The following CD53 variants were observed in gnomAD, a reference collection of about 807,000 sequenced individuals.
The protein encoded by CD53 is leukocyte surface antigen CD53.
In CD53, 20 loss-of-function variants were observed where a neutral mutation model predicts 27.3. The ratio of observed to expected loss-of-function variants is 0.73; its 90% confidence interval spans 0.52 to 1.07. CD53 has a LOEUF of 1.07. Ranked by LOEUF, CD53 falls within the 50% of genes least tolerant of loss-of-function variation. The pLI is 0.00. For missense variants in CD53, 216 were observed against 264.0 expected (o/e 0.82, Z 1.26); for synonymous variants, 106 against 105.3 (o/e 1.01, Z -0.04).
chr1:110,877,909 G>A (rs1317110224), intron 1 of CD53, among the ~76,000 whole-genome samples: 2 of 152,184 alleles, frequency 1.3e-5, no homozygotes, highest in East Asian at 3.8e-4. Flanking sequence ...GCTCACAGGA[G>A]TTCAAACGAG....
At position 110,899,278 on chromosome 1, in the gene CD53, C is replaced by A; in HGVS notation, c.*83C>A. The stretch of plus-strand genomic sequence containing the variant: ...TATAGCATGAAGCCCTACATGATCA[C>A]TGCAGGATGATCCTCCTCCCATCCT... On this transcript the variant is annotated 3_prime_UTR_variant, in exon 8 of 8. Coordinates refer to ENST00000271324, the MANE Select transcript of CD53 (RefSeq NM_000560.4). The A allele has an allele frequency of 1.0e-6, 1 of 957,244 alleles. No individual in the cohort carries two copies. Among genetic ancestry groups the A allele is most frequent in the South Asian group, 1.4e-5 (1 of 73,208 alleles). The allele number at this position is 957,244 out of a possible 1,614,324, so 59.3% of individuals were successfully genotyped here. A position where few individuals can be genotyped will look rare whatever the true frequency, so the allele number is the denominator to read the frequency against.
In CD53 at chr1:110,876,546, T is replaced by C. The variant is rs530799771; in HGVS notation, c.-18+3298T>C. ...TGAGGAATAGGGGTAAGAAATGATT[T>C]TAATGCCTCATATCTTTTAAAACTT... On this transcript the variant is annotated intron_variant, in intron 1 of 7. Transcript: ENST00000271324. Among the ~76,000 whole-genome samples the C allele has an allele frequency of 8.5e-5, 13 of 152,316 alleles. No homozygotes were observed. In the South Asian group the frequency reaches 2.7e-3, roughly 32 times the overall value.
rs544668581 is a variant in CD53, at chr1:110,888,150, T to G, written c.-17-3242T>G. 3.3e-5 allele frequency among the ~76,000 whole-genome samples: 5 copies of G among 152,180 alleles called. No individual in the cohort carries two copies. In the South Asian group the frequency reaches 8.3e-4, roughly 25 times the overall value. Reference sequence around the variant, plus strand: ...CTCTCCCTGAGCCCTTAAGAAGAAATGTAGCCTAGCCAACAACCTGAATGT... The same window carrying G: ...CTCTCCCTGAGCCCTTAAGAAGAAAGGTAGCCTAGCCAACAACCTGAATGT... On this transcript the variant is annotated intron_variant, in intron 1 of 7. Transcript: ENST00000271324.
Position 110,895,115 on chromosome 1 carries a change from T to C in CD53, c.423+60T>C, listed in dbSNP as rs969928510. 10 of 1,243,906 alleles carry C rather than the reference T, an allele frequency of 8.0e-6. No individual in the cohort carries two copies. In the African/African-American group the frequency reaches 1.5e-4, roughly 18 times the overall value. 77.1% of individuals were successfully genotyped at this position (1,243,906 alleles called of 1,614,324 possible). On this transcript the variant is annotated intron_variant, in intron 5 of 7. Coordinates refer to ENST00000271324, the MANE Select transcript of CD53 (RefSeq NM_000560.4). ...AGACTTCATTTTCAAGCCTAAATCC[T>C]TGGGGGCTAGTTCCTTTTTCTGGAA...
At chr1:110,894,865 C>A (rs74123404) in intron 4 of CD53, 95 bp from the exon 5 acceptor site, 3 of 896,540 alleles carry the variant, frequency 3.3e-6, no homozygotes, top group African/African-American at 1.6e-5. Context: ...GGAAGGGAAG[C>A]GCAAGTGGAA....
chr1:110,892,542 T>C lies in CD53; in HGVS notation c.252+9T>C. 6.2e-7 allele frequency: 1 copy of C among 1,607,890 alleles called. No individual in the cohort carries two copies. The highest frequency in any genetic ancestry group is 8.5e-7 in the Non-Finnish European group (1 of 1,175,556). ...AGTGTCTGCTTATGTCGGTGAGTCC[T>C]TACAGCAGATGTGGTGCCCCAAGTC... On this transcript the variant is annotated intron_variant, in intron 3 of 7. Coordinates refer to ENST00000271324, the MANE Select transcript of CD53 (RefSeq NM_000560.4).
chr1:110,885,438 T>C (rs1211377798), intron 1 of CD53, among the ~76,000 whole-genome samples: 1 of 152,082 alleles, frequency 6.6e-6, no homozygotes, highest in African/African-American at 2.4e-5. Flanking sequence ...CTCGGGAGGC[T>C]GAGGCAGGAG....
chr1:110,895,822 CT>C (rs1321053447), intron 5 of CD53, among the ~76,000 whole-genome samples: 2 of 152,138 alleles, frequency 1.3e-5, no homozygotes, highest in Non-Finnish European at 2.9e-5. Flanking sequence ...CCAGTGTCAT[CT>C]CATCTAATTC....
In CD53 at chr1:110,896,691, C is replaced by A; in HGVS notation, c.462C>A (p.Thr154=). ...CCGINGTSDW[T]SGPPASCPSD... is the part of the protein sequence containing the mutation. The stretch of plus-strand genomic sequence containing the variant: ...GTATAAATGGCACGAGTGATTGGAC[C>A]AGTGGCCCACCAGCATCTTGCCCCT... The change falls in exon 6 of 8, where the codon ACC becomes ACA. Residue 154 remains threonine, a synonymous_variant. Coordinates refer to ENST00000271324, the MANE Select transcript of CD53 (RefSeq NM_000560.4). The A allele has an allele frequency of 6.2e-7, 1 of 1,613,550 alleles. No individual in the cohort carries two copies. The highest frequency in any genetic ancestry group is 8.5e-7 in the Non-Finnish European group (1 of 1,179,754).
Position 110,882,421 on chromosome 1 carries a change from G to C in CD53, c.-17-8971G>C, listed in dbSNP as rs551527711. Among the ~76,000 whole-genome samples the C allele has an allele frequency of 5.3e-5, 8 of 151,774 alleles. No individual in the cohort carries two copies. In the East Asian group the frequency reaches 9.7e-4, roughly 18 times the overall value. On this transcript the variant is annotated intron_variant, in intron 1 of 7. Coordinates refer to ENST00000271324, the MANE Select transcript of CD53 (RefSeq NM_000560.4). ...TCCATATGCATATGGACTCTATTCT[G>C]TTCTCTTGATATATTTATTTAACAC...
intron 1 of CD53, among the ~76,000 whole-genome samples, chr1:110,875,460 G>A (rs1656089491): frequency 6.6e-6 from 1 of 152,192 alleles, no homozygotes; most frequent in African/African-American, 2.4e-5. Context: ...AGAGCAGAAG[G>A]AAGGGTGGAG....
chr1:110,885,182 T>C (rs575502831), intron 1 of CD53, among the ~76,000 whole-genome samples: 13 of 152,328 alleles, frequency 8.5e-5, no homozygotes, highest in African/African-American at 2.9e-4. Flanking sequence ...ATTATTATCA[T>C]AAAGTTTACT....
rs371948829 is a variant in CD53, at chr1:110,893,601, C to T, written c.253-726C>T. 1.1e-4 allele frequency among the ~76,000 whole-genome samples: 17 copies of T among 152,330 alleles called. No homozygotes were observed. In the South Asian group the frequency reaches 1.2e-3, roughly 11 times the overall value. On this transcript the variant is annotated intron_variant, in intron 3 of 7. Coordinates refer to ENST00000271324, the MANE Select transcript of CD53 (RefSeq NM_000560.4). ...CCTCCCAAAGTGTTGGGATTATAGGCGTAAGCCACTGCGCCCAGTCTGTAT... is the reference window on the plus strand; with the variant it reads ...CCTCCCAAAGTGTTGGGATTATAGGTGTAAGCCACTGCGCCCAGTCTGTAT...
At chr1:110,886,740 C>T (rs1310258195) in intron 1 of CD53, among the ~76,000 whole-genome samples, 1 of 151,186 alleles carries the variant, frequency 6.6e-6, no homozygotes, top group South Asian at 2.1e-4. Context: ...CCCAGCTACT[C>T]GGGAGGCTGA....
chr1:110,874,709 G>A (rs1656059896), intron 1 of CD53, among the ~76,000 whole-genome samples: 1 of 152,192 alleles, frequency 6.6e-6, no homozygotes, highest in East Asian at 1.9e-4. Flanking sequence ...ATATTCATGA[G>A]GAATGATTCC....
intron 1 of CD53, among the ~76,000 whole-genome samples, chr1:110,889,427 C>T (rs770352274): frequency 3.3e-5 from 5 of 152,000 alleles, no homozygotes; most frequent in South Asian, 2.1e-4. Flanking sequence ...GGCGTGGTGA[C>T]GGGCGCCTGT....
At chr1:110,880,572 AT>A (rs1244397651) in intron 1 of CD53, among the ~76,000 whole-genome samples, 2 of 152,140 alleles carry the variant, frequency 1.3e-5, no homozygotes, top group Non-Finnish European at 2.9e-5. Context: ...ATCTGGCTCA[AT>A]TCCTTTCTGT....
chr1:110,891,538 A>T, intron 2 of CD53, 67 bp downstream of exon 2: 9 of 1,227,756 alleles, frequency 7.3e-6, no homozygotes, highest in Non-Finnish European at 9.6e-6. Context: ...TCATTCCTCT[A>T]CTGAAGAGGC....
chr1:110,887,469 C>CA (rs1334725414), intron 1 of CD53, among the ~76,000 whole-genome samples: 1 of 152,210 alleles, frequency 6.6e-6, no homozygotes, highest in Non-Finnish European at 1.5e-5. Context: ...TTGCTTCTTG[C>CA]ATGCCTGATA....
Sources: gnomAD v4.1 joint callset for allele counts (sites outside exome capture counted in the v4.1 genomes callset) on GRCh38, gnomAD v4.1.1 for gene constraint, MANE v1.5 for transcripts, NCBI Gene and HGNC (gene_info 2026-07-23, HGNC 2026-07-21) for gene names.